The following ROCK2 variants were observed in gnomAD, a reference collection of about 807,000 sequenced individuals.
ROCK2 encodes the protein Rho associated coiled-coil containing protein kinase 2, also known as rho-associated protein kinase 2.
In ROCK2, 61 loss-of-function variants were observed where a neutral mutation model predicts 195.1. The ratio of observed to expected loss-of-function variants is 0.31; its 90% CI spans 0.25 to 0.39. ROCK2 has a LOEUF of 0.39. ROCK2 is among the 10% of genes least tolerant of loss of function. The probability of loss-of-function intolerance (pLI) is 1.00; values close to 1 mark genes in which losing one functional copy is unlikely to be tolerated. For missense variants in ROCK2, 1,109 were observed against 1,637.4 expected (o/e 0.68, Z 5.57); for synonymous variants, 504 against 545.5 (o/e 0.92, Z 1.06).
intron 17 of ROCK2, 106 bp downstream of exon 17, chr2:11,214,251 C>CATGT (rs1388980378): frequency 1.1e-5 from 7 of 634,736 alleles, no homozygotes; most frequent in African/African-American, 7.4e-5. Flanking sequence ...AATCCATGAG[C>CATGT]ATGTGGAAAT....
chr2:11,209,162 T>C (rs1465122235), intron 18 of ROCK2, among the ~76,000 whole-genome samples: 1 of 152,232 alleles, frequency 6.6e-6, no homozygotes, highest in African/African-American at 2.4e-5. Flanking sequence ...GGACTTTCCA[T>C]GTTAACACAT....
At chr2:11,196,604 T>C (rs1663646409) in intron 27 of ROCK2, among the ~76,000 whole-genome samples, 1 of 152,212 alleles carries the variant, frequency 6.6e-6, no homozygotes, top group African/African-American at 2.4e-5. Flanking sequence ...TATTAGTTAA[T>C]GTTACATAAA....
At chr2:11,250,776 T>G (rs1324372979) in intron 3 of ROCK2, among the ~76,000 whole-genome samples, 1 of 152,198 alleles carries the variant, frequency 6.6e-6, no homozygotes, top group African/African-American at 2.4e-5. Flanking sequence ...TCTAACTACC[T>G]CCACTGATAC....
chr2:11,277,503 C>T (rs1475202436), intron 3 of ROCK2, among the ~76,000 whole-genome samples: 2 of 152,126 alleles, frequency 1.3e-5, no homozygotes, highest in Non-Finnish European at 2.9e-5. Flanking sequence ...CCCTCAAGTC[C>T]CCAAAGTCCA....
At chr2:11,316,298 T>C (rs999423501) in intron 1 of ROCK2, among the ~76,000 whole-genome samples, 1 of 152,164 alleles carries the variant, frequency 6.6e-6, no homozygotes, top group East Asian at 1.9e-4. Context: ...ACAACACTTG[T>C]ATATGTAACA....
rs189640669 is a variant in ROCK2 at position 11,228,391 on chromosome 2, T to C, written c.724-993A>G. Among the ~76,000 whole-genome samples, 271 of 152,316 alleles carry C rather than the reference T, an allele frequency of 1.8e-3. 2 individuals carry two copies. The highest frequency in any genetic ancestry group is 6.3e-3 in the African/African-American group (262 of 41,586). On this transcript the variant is annotated intron_variant, in intron 5 of 32. Transcript: ENST00000315872. ...ATAGAAAAGATCTTTTCATTCATTC[T>C]CAAATTGGCAGAACTAACTCAATGG...
chr2:11,242,941 T>G (rs1665480352), intron 4 of ROCK2, among the ~76,000 whole-genome samples: 1 of 152,214 alleles, frequency 6.6e-6, no homozygotes, highest in African/African-American at 2.4e-5. Context: ...GTGCTCTCCT[T>G]TGTGTTCTAA....
intron 3 of ROCK2, among the ~76,000 whole-genome samples, chr2:11,271,666 G>T (rs1446507958): frequency 6.6e-6 from 1 of 152,178 alleles, no homozygotes; most frequent in East Asian, 1.9e-4. Context: ...AGGGCATATT[G>T]ATAGGATATA....
intron 3 of ROCK2, among the ~76,000 whole-genome samples, chr2:11,253,403 A>T (rs73915109): frequency 0.023 from 3,563 of 152,266 alleles, 63 homozygotes; most frequent in East Asian, 0.053. Flanking sequence ...AACCTCTCCC[A>T]TAAGGACACT....
At chr2:11,283,433 C>T (rs1667079163) in intron 3 of ROCK2, among the ~76,000 whole-genome samples, 1 of 147,230 alleles carries the variant, frequency 6.8e-6, no homozygotes, top group African/African-American at 2.5e-5. Flanking sequence ...CGGTGGCGGG[C>T]GCCTGTAGTC....
In ROCK2 at chr2:11,282,607, C is replaced by CAAAAAAAA. The variant is rs70953381; in HGVS notation, c.324+3924_324+3931dup. ...GCTGGAATAACTGAATATCTACATGCAAAAAAAAAAAAAAGAATCAAGACC... is the reference window on the plus strand; with the variant it reads ...GCTGGAATAACTGAATATCTACATGCAAAAAAAAAAAAAAAAAAAAAAGAATCAAGACC... On this transcript the variant is annotated intron_variant, in intron 3 of 32. Transcript: ENST00000315872. Among the ~76,000 whole-genome samples the CAAAAAAAA allele has an allele frequency of 2.0e-4, 25 of 123,362 alleles. 2 individuals are homozygous for CAAAAAAAA. The highest frequency in any genetic ancestry group is 4.6e-4 in the East Asian group (2 of 4,324). The allele number at this position is 123,362 out of a possible 152,430, so 80.9% of individuals were successfully genotyped here.
At chr2:11,185,337 C>T (rs1281728872) in intron 32 of ROCK2, among the ~76,000 whole-genome samples, 1 of 152,232 alleles carries the variant, frequency 6.6e-6, no homozygotes, top group East Asian at 1.9e-4. Flanking sequence ...ATTAGCAAGT[C>T]ATCTTGGCTA....
intron 3 of ROCK2, among the ~76,000 whole-genome samples, chr2:11,269,658 C>T (rs549942508): frequency 1.2e-4 from 19 of 152,248 alleles, no homozygotes; most frequent in African/African-American, 2.9e-4. Flanking sequence ...CATATTCTGC[C>T]GGTGTGATTG....
At chr2:11,210,624 A>G (rs933868344) in intron 18 of ROCK2, among the ~76,000 whole-genome samples, 3 of 152,196 alleles carry the variant, frequency 2.0e-5, no homozygotes, top group African/African-American at 4.8e-5. Flanking sequence ...TACAGATGTG[A>G]GCCACCATGC....
chr2:11,314,120 A>C (rs1366149814), intron 1 of ROCK2, among the ~76,000 whole-genome samples: 1 of 151,954 alleles, frequency 6.6e-6, no homozygotes, highest in Non-Finnish European at 1.5e-5. Context: ...GGTAGATTTA[A>C]ATGTATTACT....
Position 11,236,005 on chromosome 2 carries a change from C to A in ROCK2, c.463-43G>T, listed in dbSNP as rs372024388. 9.1e-6 allele frequency: 13 copies of A among 1,434,522 alleles called. No individual in the cohort carries two copies. In the African/African-American group the frequency reaches 1.6e-4, roughly 17 times the overall value. 88.9% of individuals were successfully genotyped at this position (1,434,522 alleles called of 1,614,324 possible). On this transcript the variant is annotated intron_variant, in intron 4 of 32. Coordinates refer to ENST00000315872, the MANE Select transcript of ROCK2 (RefSeq NM_004850.5). ...AAGGAAAAATTTTTAAAAACCCAAACCAAAAATCATAATCAGAACAAAAAT... is the reference window on the plus strand; with the variant it reads ...AAGGAAAAATTTTTAAAAACCCAAAACAAAAATCATAATCAGAACAAAAAT...
chr2:11,296,002 A>AGGGGG (rs1366132994), intron 1 of ROCK2, among the ~76,000 whole-genome samples: 2 of 20,524 alleles, frequency 9.7e-5, no homozygotes, highest in Non-Finnish European at 2.2e-4. Context: ...AGAGAGAGAG[A>AGGGGG]GAGGAGAGAG....
rs1572436416 is a variant in ROCK2, at chr2:11,344,291, C to G, written c.-155G>C. ...GCTTCGGGTCTCCAAGGCGGTCCCC[C>G]GCCTGGGGGCTGCTCCCAGGGGCCC... On this transcript the variant is annotated 5_prime_UTR_variant, in exon 1 of 33. Coordinates refer to ENST00000315872, the MANE Select transcript of ROCK2 (RefSeq NM_004850.5). This position sits in a 1 kb window ranked among gnomAD's most constrained non-coding sequence, Gnocchi z 5.4. 1 of 1,244,808 alleles carries G rather than the reference C, an allele frequency of 8.0e-7. No individual in the cohort carries two copies. The highest frequency in any genetic ancestry group is 1.6e-5 in the African/African-American group (1 of 63,714). 77.1% of individuals were successfully genotyped at this position (1,244,808 alleles called of 1,614,324 possible). A position where few individuals can be genotyped will look rare whatever the true frequency, so the allele number is the denominator to read the frequency against.
chr2:11,305,478 C>CACAT (rs397983865), intron 1 of ROCK2, among the ~76,000 whole-genome samples: 1 of 150,002 alleles, frequency 6.7e-6, no homozygotes, highest in Non-Finnish European at 1.5e-5. Context: ...CACACACACA[C>CACAT]TTACGTGCAT....
Sources: gnomAD v4.1 joint callset for allele counts (sites outside exome capture counted in the v4.1 genomes callset) on GRCh38, gnomAD v4.1.1 for gene constraint, Gnocchi (gnomAD v3.1) non-coding constraint, MANE v1.5 for transcripts, NCBI Gene and HGNC (gene_info 2026-07-23, HGNC 2026-07-21) for gene names.